The following SCUBE2 variants were observed in gnomAD, a reference collection of about 807,000 sequenced individuals.
SCUBE2 encodes the protein signal peptide, CUB domain and EGF like domain containing 2, also known as signal peptide, CUB and EGF-like domain-containing protein 2.
A neutral mutation model predicts 125.9 loss-of-function variants in SCUBE2; 114 were observed. The observed-to-expected ratio is 0.91, with a 90% CI of 0.78 to 1.06. The LOEUF (loss-of-function observed/expected upper bound fraction) is 1.06. SCUBE2 is among the 50% of genes least tolerant of loss of function. The pLI is 0.00. For missense variants in SCUBE2, 1,255 were observed against 1,301.8 expected, an observed-to-expected ratio of 0.96 and a Z score of 0.55; for synonymous variants, 459 against 492.9, an observed-to-expected ratio of 0.93 and a Z score of 0.91.
chr11:9,056,811 C>T (rs1026066258), intron 9 of SCUBE2, among the ~76,000 whole-genome samples: 1 of 152,164 alleles, frequency 6.6e-6, no homozygotes, highest in South Asian at 2.1e-4. Flanking sequence ...GGACCAGTGC[C>T]GCACTCAGTC....
chr11:9,039,194 A>G (rs1384121304), intron 16 of SCUBE2, among the ~76,000 whole-genome samples: 8 of 152,198 alleles, frequency 5.3e-5, no homozygotes, highest in Non-Finnish European at 1.2e-4. Flanking sequence ...GATGGAGGCC[A>G]GGCAAGGCTG....
intron 9 of SCUBE2, 26 bp from the exon 10 acceptor site, chr11:9,055,935 G>C: frequency 6.4e-7 from 1 of 1,566,992 alleles, no homozygotes; most frequent in South Asian, 1.1e-5. Context: ...GGAGAGGGGA[G>C]CTGAAACCCA....
intron 17 of SCUBE2, 82 bp downstream of exon 17, chr11:9,033,544 G>T (rs768072625): frequency 1.3e-6 from 2 of 1,500,252 alleles, no homozygotes; most frequent in Non-Finnish European, 1.8e-6. Context: ...AGTGTGCATT[G>T]TCTGGAGTCC....
In SCUBE2 at chr11:9,027,560, G is replaced by T; in HGVS notation, c.2505C>A (p.Asn835Lys). 1 of 1,612,162 alleles carries T rather than the reference G, an allele frequency of 6.2e-7. No homozygotes were observed. Among genetic ancestry groups the T allele is most frequent in the Non-Finnish European group, 8.5e-7 (1 of 1,178,726 alleles). The change falls in exon 20 of 23, where the codon AAC becomes AAA. Residue 835 changes from asparagine (N) to lysine (K), a missense_variant and splice_region_variant. By Grantham distance (94) the Asn-to-Lys change is moderately conservative. Transcript: ENST00000649792. ...CTCCCAGCTCCCCTCCACATCTTCT[G>T]TCTGAAAAAGGAGATGCCCCGAGTT... ...DGSTNITQCKNRRCGGELGDF... is the reference protein window; with the variant it reads ...DGSTNITQCKKRRCGGELGDF...
chr11:9,052,989 G>A (rs1178807093), intron 12 of SCUBE2, 110 bp downstream of exon 12: 15 of 1,075,876 alleles, frequency 1.4e-5, no homozygotes, highest in East Asian at 7.3e-5. Context: ...CACGGTGGTC[G>A]GGGCATCTGG....
At chr11:9,086,999 T>C (rs987907868) in intron 2 of SCUBE2, among the ~76,000 whole-genome samples, 3 of 152,156 alleles carry the variant, frequency 2.0e-5, no homozygotes, top group Non-Finnish European at 4.4e-5. Context: ...TGACTATCTG[T>C]GGATAAATGG....
Position 9,065,913 on chromosome 11 carries a change from C to A in SCUBE2, c.828G>T (p.Arg276=), listed in dbSNP as rs1377931084. 1.2e-6 allele frequency: 2 copies of A among 1,614,170 alleles called. No individual in the cohort carries two copies. Among genetic ancestry groups the A allele is most frequent in the Non-Finnish European group, 1.7e-6 (2 of 1,180,024 alleles). ...TACCCATGAGCAGCCGCCGTTTCACCCGTTTATCCCCATCCACCACTGATG... is the reference window on the plus strand; with the variant it reads ...TACCCATGAGCAGCCGCCGTTTCACACGTTTATCCCCATCCACCACTGATG... ...NTTSVVDGDK[R]VKRRLLMETC... is the part of the protein sequence containing the mutation. The change falls in exon 7 of 23, where the codon CGG becomes CGT. Residue 276 remains arginine (R), a synonymous_variant. Coordinates refer to ENST00000649792, the MANE Select transcript of SCUBE2 (RefSeq NM_001367977.2).
In SCUBE2 at chr11:9,066,705, C is replaced by A; in HGVS notation, c.752G>T (p.Ser251Ile). 9 of 1,613,992 alleles carry A rather than the reference C, an allele frequency of 5.6e-6. No homozygotes were observed. Among genetic ancestry groups the A allele is most frequent in the Non-Finnish European group, 6.8e-6 (8 of 1,179,864 alleles). Residue 251 changes from serine to isoleucine, a missense_variant, in exon 6 of 23, where the codon AGC (serine) becomes ATC (isoleucine). By Grantham distance (142) the Ser-to-Ile change is moderately radical. Coordinates refer to ENST00000649792, the MANE Select transcript of SCUBE2 (RefSeq NM_001367977.2). ...PQYKMHTDGR[S>I]CLEREDTVLE... is the part of the protein sequence containing the mutation. ...TTGGGGTTGCCACTCACCAAGGCAG[C>A]TCCTCCCATCTGTGTGCATCTTGTA...
chr11:9,042,003 C>T (rs994089032), intron 16 of SCUBE2, among the ~76,000 whole-genome samples: 4 of 152,122 alleles, frequency 2.6e-5, no homozygotes, highest in African/African-American at 9.7e-5. Flanking sequence ...TCCATTTTAA[C>T]AGGAGGCAGG....
chr11:9,044,958 C>G (rs1167108223), intron 16 of SCUBE2, among the ~76,000 whole-genome samples: 2 of 152,306 alleles, frequency 1.3e-5, no homozygotes, highest in South Asian at 2.1e-4. Flanking sequence ...CTCACCTTGG[C>G]CTGGCACTTT....
At chr11:9,043,174 C>G (rs536245060) in intron 16 of SCUBE2, among the ~76,000 whole-genome samples, 3 of 152,294 alleles carry the variant, frequency 2.0e-5, no homozygotes, top group Non-Finnish European at 4.4e-5. Flanking sequence ...TAAAATACTT[C>G]CCAGTTTGCC....
At chr11:9,025,162 G>A (rs374883402) in intron 21 of SCUBE2, among the ~76,000 whole-genome samples, 10 of 152,304 alleles carry the variant, frequency 6.6e-5, no homozygotes, top group African/African-American at 2.4e-4. Context: ...TAAAACAGAA[G>A]TCATCTGACT....
chr11:9,046,521 A>G (rs1857793221), intron 16 of SCUBE2, among the ~76,000 whole-genome samples: 1 of 152,042 alleles, frequency 6.6e-6, no homozygotes, highest in South Asian at 2.1e-4. Flanking sequence ...CCTAACCCCA[A>G]CAGGATAGCA....
intron 21 of SCUBE2, chr11:9,022,559 C>G (rs1260447610): frequency 6.5e-6 from 1 of 152,682 alleles, no homozygotes; most frequent in Admixed American, 6.5e-5. Context: ...CAGCAATGAC[C>G]TTCATGTTGT....
rs958500183 is a variant in SCUBE2 at position 9,089,595 on chromosome 11, G to T, written c.256+112C>A. On this transcript the variant is annotated intron_variant, in intron 2 of 22. Transcript: ENST00000649792. Reference sequence around the variant, plus strand: ...GAGCAGGTGATGTGATTCAGGGGCTGGGGGAAAGGGAGAGGAGGGGCAGTA... The same window carrying T: ...GAGCAGGTGATGTGATTCAGGGGCTTGGGGAAAGGGAGAGGAGGGGCAGTA... The T allele has an allele frequency of 5.0e-6, 6 of 1,209,068 alleles. No homozygotes were observed. The African/African-American group carries it at 9.1e-5, about 18-fold the overall frequency. The allele number at this position is 1,209,068 out of a possible 1,614,324, so 74.9% of individuals were successfully genotyped here.
At chr11:9,068,702 T>C (rs1394004748) in intron 5 of SCUBE2, among the ~76,000 whole-genome samples, 2 of 152,226 alleles carry the variant, frequency 1.3e-5, no homozygotes, top group African/African-American at 4.8e-5. Context: ...TCACTCCCTG[T>C]GTGACCTTGT....
At chr11:9,027,789 A>G (rs560126459) in intron 19 of SCUBE2, among the ~76,000 whole-genome samples, 1 of 152,224 alleles carries the variant, frequency 6.6e-6, no homozygotes, top group East Asian at 1.9e-4. Context: ...CTGTTTTCTC[A>G]TTAGCCCGAA....
intron 21 of SCUBE2, among the ~76,000 whole-genome samples, chr11:9,023,907 G>A (rs915300080): frequency 1.3e-5 from 2 of 152,158 alleles, no homozygotes; most frequent in African/African-American, 4.8e-5. Context: ...AGCGCTCAGA[G>A]GGCCCGTCTG....
chr11:9,025,020 G>A (rs554314354), intron 21 of SCUBE2, among the ~76,000 whole-genome samples: 15 of 152,170 alleles, frequency 9.9e-5, no homozygotes, highest in African/African-American at 3.6e-4. Context: ...TCTCCTACAG[G>A]ACTGTGTAGT....
Sources: gnomAD v4.1 joint callset for allele counts (sites outside exome capture counted in the v4.1 genomes callset) on GRCh38, gnomAD v4.1.1 for gene constraint, MANE v1.5 for transcripts, NCBI Gene and HGNC (gene_info 2026-07-23, HGNC 2026-07-21) for gene names.